Variants in OCA2 observed in about 807,000 individuals in gnomAD.
OCA2 encodes the protein OCA2 melanosomal transmembrane protein, also known as P protein.
A neutral mutation model predicts 100.2 loss-of-function variants in OCA2; 77 were observed. That is an observed-to-expected ratio of 0.77 (90% CI 0.64 to 0.93). The LOEUF (loss-of-function observed/expected upper bound fraction) is 0.93. Among genes scored for constraint, OCA2 ranks in the 40% least tolerant of loss-of-function variants. The pLI, the probability that OCA2 is intolerant of heterozygous loss-of-function variation, is 0.00. For synonymous variants in OCA2, 432 were observed against 439.2 expected, an observed-to-expected ratio of 0.98 and a Z score of 0.21; for missense variants, 1,062 against 1,089.1, an observed-to-expected ratio of 0.98 and a Z score of 0.35.
At chr15:28,025,644 T>G (rs918685675) in intron 4 of OCA2, among the ~76,000 whole-genome samples, 6 of 152,198 alleles carry the variant, frequency 3.9e-5, no homozygotes, top group Non-Finnish European at 8.8e-5. Context: ...CCTTCTCTGC[T>G]CACTCAGCAG....
At chr15:27,830,923 C>G (rs1296124060) in intron 23 of OCA2, among the ~76,000 whole-genome samples, 1 of 152,128 alleles carries the variant, frequency 6.6e-6, no homozygotes, top group Non-Finnish European at 1.5e-5. Flanking sequence ...TTTGATGGAG[C>G]TACAGAACCT....
chr15:27,770,620 A>ACTTCCCTCCTCAGAACCCGGCCG (rs2031660729), intron 23 of OCA2, among the ~76,000 whole-genome samples: 1 of 151,040 alleles, frequency 6.6e-6, no homozygotes, highest in Non-Finnish European at 1.5e-5. Context: ...GTCCTTACCC[A>ACTTCCCTCCTCAGAACCCGGCCG]CTTCCCTCCT....
At chr15:27,880,190 T>C (rs890515602) in intron 19 of OCA2, among the ~76,000 whole-genome samples, 3 of 152,122 alleles carry the variant, frequency 2.0e-5, no homozygotes, top group African/African-American at 7.2e-5. Context: ...CTGAGATCTC[T>C]ATTCTGTTCC....
At chr15:28,050,070 G>A (rs985953283) in intron 2 of OCA2, among the ~76,000 whole-genome samples, 1 of 152,128 alleles carries the variant, frequency 6.6e-6, no homozygotes, top group Non-Finnish European at 1.5e-5. Flanking sequence ...TTTGAAGCCA[G>A]GAGTTTGAGA....
At chr15:27,821,201 G>C (rs941857474) in intron 23 of OCA2, among the ~76,000 whole-genome samples, 1 of 152,108 alleles carries the variant, frequency 6.6e-6, no homozygotes, top group Admixed American at 6.5e-5. Flanking sequence ...TTTTGTATTA[G>C]AGAGGTTATG....
intron 13 of OCA2, 53 bp from the exon 14 acceptor site, chr15:27,983,536 G>T: frequency 1.9e-6 from 3 of 1,596,296 alleles, no homozygotes; most frequent in Non-Finnish European, 2.6e-6. Flanking sequence ...ATCGTGAAAG[G>T]CCCACATGCA....
At chr15:28,090,178 A>T (rs1291698810) in intron 1 of OCA2, among the ~76,000 whole-genome samples, 1 of 152,224 alleles carries the variant, frequency 6.6e-6, no homozygotes, top group African/African-American at 2.4e-5. Flanking sequence ...TGCACAAAAC[A>T]ACAGAGCTGC....
the OCA2 span, among the ~76,000 whole-genome samples, chr15:27,722,893 G>C: frequency 4.7e-5 from 7 of 150,174 alleles, no homozygotes; most frequent in African/African-American, 1.5e-4. Context: ...CCAGGCTGGA[G>C]TCCAGTGGCG....
chr15:27,771,220 T>A (rs2031821897), intron 23 of OCA2, among the ~76,000 whole-genome samples: 1 of 151,090 alleles, frequency 6.6e-6, no homozygotes, highest in Non-Finnish European at 1.5e-5. Flanking sequence ...CTGAGGCCCA[T>A]AAACACCCCC....
chr15:28,029,760 G>A (rs1339466931), intron 3 of OCA2, among the ~76,000 whole-genome samples: 3 of 152,098 alleles, frequency 2.0e-5, no homozygotes, highest in Non-Finnish European at 4.4e-5. Flanking sequence ...ATCCTAATAA[G>A]CCATTTGATC....
intron 14 of OCA2, among the ~76,000 whole-genome samples, chr15:27,973,014 C>G (rs890160973): frequency 5.9e-5 from 9 of 151,770 alleles, no homozygotes; most frequent in Admixed American, 2.0e-4. Context: ...TACAAGCATG[C>G]ACCACCACGC....
chr15:27,952,555 G>A (rs1304612299), intron 17 of OCA2, among the ~76,000 whole-genome samples: 1 of 152,242 alleles, frequency 6.6e-6, no homozygotes, highest in African/African-American at 2.4e-5. Flanking sequence ...ATGGGCACCT[G>A]GTAGGCCTGC....
chr15:28,024,493 T>A (rs2042688708), intron 5 of OCA2, among the ~76,000 whole-genome samples: 1 of 152,166 alleles, frequency 6.6e-6, no homozygotes, highest in African/African-American at 2.4e-5. Flanking sequence ...TCTCCAGATG[T>A]GTTCCAACAC....
chr15:27,745,126 A>G, the OCA2 span, among the ~76,000 whole-genome samples: 1 of 152,218 alleles, frequency 6.6e-6, no homozygotes, highest in Admixed American at 6.5e-5. Context: ...GGGCAAGTCC[A>G]CAATGCAAAG....
chr15:27,915,643 G>A (rs1053567832), intron 19 of OCA2, among the ~76,000 whole-genome samples: 1 of 152,078 alleles, frequency 6.6e-6, no homozygotes, highest in Non-Finnish European at 1.5e-5. Flanking sequence ...AATCAAAACC[G>A]AAATGAGATG....
At chr15:27,787,250 A>G (rs2032857590) in intron 23 of OCA2, among the ~76,000 whole-genome samples, 1 of 152,046 alleles carries the variant, frequency 6.6e-6, no homozygotes, top group Non-Finnish European at 1.5e-5. Flanking sequence ...TTTTATTTTC[A>G]TGTTAATAGC....
At chr15:27,853,883 G>A (rs1161435420) in intron 21 of OCA2, among the ~76,000 whole-genome samples, 2 of 152,228 alleles carry the variant, frequency 1.3e-5, no homozygotes, top group African/African-American at 4.8e-5. Context: ...GGACCCCAGT[G>A]TGGAGATGTG....
At position 27,792,938 on chromosome 15, in the gene OCA2, C is replaced by T. The variant is rs1034705513; in HGVS notation, c.2433-37466G>A. ...CAGAGGTCCCAGATGGGCTTGTGGC[C>T]GAGTGCTGGCGTCCAGCACAACTTC... On this transcript the variant is annotated intron_variant, in intron 23 of 23. Coordinates refer to ENST00000354638, the MANE Select transcript of OCA2 (RefSeq NM_000275.3). Among the ~76,000 whole-genome samples, 9 of 152,330 alleles carry T rather than the reference C, an allele frequency of 5.9e-5. No homozygotes were observed. The East Asian group carries it at 7.7e-4, about 13-fold the overall frequency.
At chr15:28,064,948 C>G (rs2043980973) in intron 2 of OCA2, among the ~76,000 whole-genome samples, 1 of 151,576 alleles carries the variant, frequency 6.6e-6, no homozygotes, top group Non-Finnish European at 1.5e-5. Context: ...TGTAGCAGTC[C>G]GTTGGTTTAG....
Sources: allele counts gnomAD v4.1 joint callset (sites outside exome capture counted in the v4.1 genomes callset), GRCh38; gene constraint gnomAD v4.1.1; transcripts MANE v1.5; gene names NCBI Gene and HGNC (gene_info 2026-07-23, HGNC 2026-07-21).